C10orf90: variants seen among roughly 807,000 people sequenced by gnomAD.
The protein encoded by C10orf90 is chromosome 10 open reading frame 90.
Under a neutral mutation model 62.5 loss-of-function variants are expected in C10orf90, and 56 were observed. That is an observed-to-expected ratio of 0.90 (90% CI 0.72 to 1.12). C10orf90 has a LOEUF of 1.12. Among genes scored for constraint, C10orf90 ranks in the 50% most tolerant of loss-of-function variants. The pLI is 0.00. For missense variants in C10orf90, 970 were observed against 880.4 expected (o/e 1.10, Z -1.29); for synonymous variants, 386 against 340.4 (o/e 1.13, Z -1.47).
In C10orf90 at chr10:126,616,660, G is replaced by A. The variant is rs7094577; in HGVS notation, c.313+29905C>T. Among the ~76,000 whole-genome samples the A allele has an allele frequency of 2.5e-3, 385 of 152,278 alleles. 5 individuals carry two copies. The Middle Eastern group carries it at 0.027, about 11-fold the overall frequency. ...CTTAACTCTGGAGGTCAGAGGCAGGGCTTTTGGCTATTTGAGCTTCATCTT... is the reference window on the plus strand; with the variant it reads ...CTTAACTCTGGAGGTCAGAGGCAGGACTTTTGGCTATTTGAGCTTCATCTT... On this transcript the variant is annotated intron_variant, in intron 2 of 9. Coordinates refer to ENST00000488181, the MANE Select transcript of C10orf90 (RefSeq NM_001350921.2).
chr10:126,551,084 C>A (rs903906224), intron 2 of C10orf90, among the ~76,000 whole-genome samples: 1 of 152,312 alleles, frequency 6.6e-6, no homozygotes. Flanking sequence ...AAGGCAGAGC[C>A]AGCCTTAGAG....
At position 126,539,645 on chromosome 10, in the gene C10orf90, G is replaced by T. The variant is rs555068905; in HGVS notation, c.314-25706C>A. On this transcript the variant is annotated intron_variant, in intron 2 of 9. Coordinates refer to ENST00000488181, the MANE Select transcript of C10orf90 (RefSeq NM_001350921.2). ...GGAAAAAAACTTTAATAAAGCAAAA[G>T]AAATATAATACTTATTTTGTGATTT... Among the ~76,000 whole-genome samples the T allele has an allele frequency of 4.2e-4, 64 of 152,186 alleles. 3 individuals are homozygous for T. The South Asian group carries it at 0.013, about 31-fold the overall frequency.
At chr10:126,515,655 C>A (rs1167651401) in intron 2 of C10orf90, among the ~76,000 whole-genome samples, 1 of 152,152 alleles carries the variant, frequency 6.6e-6, no homozygotes, top group East Asian at 1.9e-4. Context: ...CAGAACATAT[C>A]CCCATCCTGA....
At chr10:126,518,226 G>A (rs1481116512) in intron 2 of C10orf90, among the ~76,000 whole-genome samples, 3 of 152,138 alleles carry the variant, frequency 2.0e-5, no homozygotes, top group Non-Finnish European at 4.4e-5. Flanking sequence ...ACACGATGGG[G>A]GCACTTGTTG....
intron 2 of C10orf90, among the ~76,000 whole-genome samples, chr10:126,619,780 C>T (rs1202992887): frequency 2.6e-5 from 4 of 152,170 alleles, no homozygotes; most frequent in African/African-American, 9.7e-5. Flanking sequence ...GCTGGAACTA[C>T]AGGTGCACAC....
intron 2 of C10orf90, among the ~76,000 whole-genome samples, chr10:126,594,224 G>C (rs1415995733): frequency 1.3e-5 from 2 of 151,708 alleles, no homozygotes; most frequent in African/African-American, 4.9e-5. Flanking sequence ...GGACGGTATG[G>C]CTAGAAAGAT....
intron 2 of C10orf90, among the ~76,000 whole-genome samples, chr10:126,612,288 T>G (rs1010344114): frequency 2.6e-5 from 4 of 152,022 alleles, no homozygotes; most frequent in African/African-American, 9.7e-5. Context: ...ACCACCACAC[T>G]CCAGCCTGGG....
intron 4 of C10orf90, among the ~76,000 whole-genome samples, chr10:126,480,509 C>T (rs1240227527): frequency 6.6e-6 from 1 of 152,210 alleles, no homozygotes; most frequent in Non-Finnish European, 1.5e-5. Context: ...CCATTTGGCC[C>T]AGAGCTTGGG....
rs535765924 is a variant in C10orf90 at position 126,627,874 on chromosome 10, C to T, written c.313+18691G>A. Among the ~76,000 whole-genome samples the T allele has an allele frequency of 5.9e-5, 9 of 152,294 alleles. No individual in the cohort carries two copies. In the East Asian group the frequency reaches 1.7e-3, roughly 29 times the overall value. ...TGTAGCTGGGACTATCGGCATGCGC[C>T]TCTGTGCCCGGCTATAAAGCAGAAC... On this transcript the variant is annotated intron_variant, in intron 2 of 9. Transcript: ENST00000488181.
intron 7 of C10orf90, among the ~76,000 whole-genome samples, chr10:126,432,118 G>A (rs56089081): frequency 0.12 from 17,820 of 152,230 alleles, 1,270 homozygotes; most frequent in East Asian, 0.17. Context: ...ATAAATAGCA[G>A]GGTCTTTCCT....
At chr10:126,610,939 C>CT (rs528003333) in intron 2 of C10orf90, among the ~76,000 whole-genome samples, 1 of 152,126 alleles carries the variant, frequency 6.6e-6, no homozygotes, top group East Asian at 1.9e-4. Context: ...ATTTTTCTTT[C>CT]TTTTTTTGTC....
At chr10:126,620,402 T>C (rs1235557703) in intron 2 of C10orf90, among the ~76,000 whole-genome samples, 2 of 152,336 alleles carry the variant, frequency 1.3e-5, no homozygotes, top group South Asian at 2.1e-4. Flanking sequence ...TCTGTCCTTA[T>C]ACTAATTCCA....
chr10:126,584,130 T>C (rs1193176317), intron 2 of C10orf90, among the ~76,000 whole-genome samples: 1 of 151,278 alleles, frequency 6.6e-6, no homozygotes. Context: ...AGAAGAAATA[T>C]GAGGGCTCTG....
intron 2 of C10orf90, among the ~76,000 whole-genome samples, chr10:126,529,462 A>T (rs554218380): frequency 6.6e-6 from 1 of 152,198 alleles, no homozygotes; most frequent in Non-Finnish European, 1.5e-5. Flanking sequence ...TTTGTAACCC[A>T]TATAACAGAC....
chr10:126,503,237 G>T (rs957522993), intron 4 of C10orf90, among the ~76,000 whole-genome samples: 2 of 152,136 alleles, frequency 1.3e-5, no homozygotes, highest in Non-Finnish European at 2.9e-5. Flanking sequence ...TCCCAAGAAA[G>T]GTGCAGAGTC....
Position 126,436,050 on chromosome 10 carries a change from G to A in C10orf90, c.2189-6200C>T, listed in dbSNP as rs140537603. 4.1e-4 allele frequency among the ~76,000 whole-genome samples: 63 copies of A among 152,274 alleles called. No homozygotes were observed. The East Asian group carries it at 0.011, about 26-fold the overall frequency. ...CCTATAGGAACTGCTAAGGAAGGCT[G>A]GCACACATCACCTCCTAATTCAGGT... On this transcript the variant is annotated intron_variant, in intron 7 of 9. Transcript: ENST00000488181.
chr10:126,498,938 C>T (rs1337776758), intron 4 of C10orf90, among the ~76,000 whole-genome samples: 1 of 152,194 alleles, frequency 6.6e-6, no homozygotes, highest in Non-Finnish European at 1.5e-5. Flanking sequence ...AAATGCCCTA[C>T]CCATTCATCT....
chr10:126,518,382 T>C (rs1338428982), intron 2 of C10orf90, among the ~76,000 whole-genome samples: 1 of 152,164 alleles, frequency 6.6e-6, no homozygotes, highest in African/African-American at 2.4e-5. Context: ...CTAAGACAGC[T>C]TAAGACATCT....
At chr10:126,528,873 G>A (rs929664073) in intron 2 of C10orf90, among the ~76,000 whole-genome samples, 5 of 152,190 alleles carry the variant, frequency 3.3e-5, no homozygotes, top group Admixed American at 2.0e-4. Flanking sequence ...GTAGGCAGCA[G>A]TTATCAACAA....
Sources: allele counts gnomAD v4.1 joint callset (sites outside exome capture counted in the v4.1 genomes callset), GRCh38; gene constraint gnomAD v4.1.1; transcripts MANE v1.5; gene names NCBI Gene and HGNC (gene_info 2026-07-23, HGNC 2026-07-21).